Variants in AGO2 observed in about 807,000 individuals in gnomAD.
AGO2 encodes the protein argonaute RISC catalytic component 2.
Under a neutral mutation model 102.3 loss-of-function variants are expected in AGO2, and 5 were observed. The observed-to-expected ratio is 0.05, with a 90% confidence interval of 0.03 to 0.10. The LOEUF (loss-of-function observed/expected upper bound fraction) is 0.10, where lower values mean the gene tolerates loss of function less well. AGO2 is among the 10% of genes least tolerant of loss of function. The probability of loss-of-function intolerance (pLI) is 1.00; values close to 1 mark genes in which losing one functional copy is unlikely to be tolerated. For synonymous variants in AGO2, 449 were observed against 473.1 expected, an observed-to-expected ratio of 0.95 and a Z score of 0.66; for missense variants, 541 against 1,183.7, an observed-to-expected ratio of 0.46 and a Z score of 7.97.
chr8:140,574,010 T>G (rs1588470413), intron 2 of AGO2, among the ~76,000 whole-genome samples: 1 of 152,346 alleles, frequency 6.6e-6, no homozygotes, highest in East Asian at 1.9e-4. Flanking sequence ...GGATGCTTGC[T>G]GCTGGGAGAG....
chr8:140,536,326 AT>A (rs11327457), intron 16 of AGO2, among the ~76,000 whole-genome samples: 40,839 of 138,960 alleles, frequency 0.29, 6,732 homozygotes, highest in African/African-American at 0.5. Context: ...CTTCTTTGCA[AT>A]TTTTTTTTTT....
intron 1 of AGO2, among the ~76,000 whole-genome samples, chr8:140,609,359 C>T (rs1187877574): frequency 6.6e-6 from 1 of 152,206 alleles, no homozygotes; most frequent in Non-Finnish European, 1.5e-5. Context: ...GGGTGGCCTG[C>T]GGAGATCACA....
intron 1 of AGO2, among the ~76,000 whole-genome samples, chr8:140,626,293 G>C (rs1410351349): frequency 6.6e-6 from 1 of 152,240 alleles, no homozygotes; most frequent in Non-Finnish European, 1.5e-5. Context: ...GTGGACACCA[G>C]ACAGATGAGT....
intron 1 of AGO2, among the ~76,000 whole-genome samples, chr8:140,595,059 A>G (rs1219369398): frequency 6.6e-6 from 1 of 152,176 alleles, no homozygotes. Flanking sequence ...CTTGTTTCAG[A>G]AGGCTTTTAA....
At chr8:140,607,459 T>G (rs1427277484) in intron 1 of AGO2, among the ~76,000 whole-genome samples, 1 of 2,080 alleles carries the variant, frequency 4.8e-4, no homozygotes. Context: ...AAAGAAAAAT[T>G]ATATATATAT....
chr8:140,579,068 T>C (rs868097333), intron 2 of AGO2, among the ~76,000 whole-genome samples: 9 of 151,988 alleles, frequency 5.9e-5, no homozygotes, highest in Admixed American at 2.6e-4. Flanking sequence ...ACAACGTATT[T>C]AAAAATTAGT....
chr8:140,579,086 G>C (rs1179564747), intron 2 of AGO2, among the ~76,000 whole-genome samples: 1 of 152,088 alleles, frequency 6.6e-6, no homozygotes, highest in Non-Finnish European at 1.5e-5. Flanking sequence ...AGTGGAGTGT[G>C]GTGGTGCGCG....
At chr8:140,573,176 C>A (rs2073411766) in intron 2 of AGO2, among the ~76,000 whole-genome samples, 1 of 145,444 alleles carries the variant, frequency 6.9e-6, no homozygotes, top group South Asian at 2.2e-4. Flanking sequence ...CTAATTTTTT[C>A]TTTTTTTTTT....
In AGO2 at chr8:140,539,757, G is replaced by A. The variant is rs748190384; in HGVS notation, c.2035-303C>T. On this transcript the variant is annotated intron_variant, in intron 15 of 18. Coordinates refer to ENST00000220592, the MANE Select transcript of AGO2 (RefSeq NM_012154.5). This position sits in a 1 kb window ranked among gnomAD's most constrained non-coding sequence, Gnocchi z 4.7. The stretch of plus-strand genomic sequence containing the variant: ...GGATGCAGGCTGGGCTCTGCGCTGA[G>A]AAGGCACATGCAGAGGCCAAGCTCC... 2.6e-5 allele frequency among the ~76,000 whole-genome samples: 4 copies of A among 152,242 alleles called. No homozygotes were observed. The highest frequency in any genetic ancestry group is 4.4e-5 in the Non-Finnish European group (3 of 68,036).
intron 1 of AGO2, chr8:140,605,978 C>G (rs1306573582): frequency 6.6e-6 from 1 of 152,224 alleles, no homozygotes; most frequent in Non-Finnish European, 1.5e-5. Flanking sequence ...ATATTCCATG[C>G]CTTCGAGGCT....
chr8:140,538,742 T>A (rs1275871958), intron 16 of AGO2, among the ~76,000 whole-genome samples: 1 of 152,214 alleles, frequency 6.6e-6, no homozygotes, highest in African/African-American at 2.4e-5. Flanking sequence ...CCACCTCTTT[T>A]GGTAATCTAT....
At chr8:140,544,798 A>C (rs2072869206) in intron 13 of AGO2, among the ~76,000 whole-genome samples, 1 of 152,218 alleles carries the variant, frequency 6.6e-6, no homozygotes, top group Non-Finnish European at 1.5e-5. Flanking sequence ...ACATGTCTCC[A>C]GACATGACCA....
chr8:140,628,620 T>A (rs1190226663), intron 1 of AGO2, among the ~76,000 whole-genome samples: 1 of 148,768 alleles, frequency 6.7e-6, no homozygotes, highest in Non-Finnish European at 1.5e-5. Flanking sequence ...CTGGGCAACA[T>A]AGGGAGACCT....
Position 140,530,815 on chromosome 8 carries a change from GGA to G in AGO2, c.*1227_*1228del, listed in dbSNP as rs906800593. ...GAAGTCATCTGACAAAAGAGCACAC[GGA>G]GAGGAGTGAGTCCCCACACATCAAT... is the stretch of plus-strand genomic sequence containing the variant. On this transcript the variant is annotated 3_prime_UTR_variant, in exon 19 of 19. Coordinates refer to ENST00000220592, the MANE Select transcript of AGO2 (RefSeq NM_012154.5). 2.5e-4 allele frequency: 38 copies of G among 152,480 alleles called. No homozygotes were observed. The highest frequency in any genetic ancestry group is 8.4e-4 in the African/African-American group (35 of 41,588). 9.4% of individuals were successfully genotyped at this position (152,480 alleles called of 1,614,324 possible).
intron 14 of AGO2, 132 bp from the exon 15 acceptor site, chr8:140,541,490 A>G (rs929686219): frequency 4.8e-6 from 4 of 841,948 alleles, no homozygotes; most frequent in African/African-American, 3.4e-5. Flanking sequence ...TCAAGTGACA[A>G]TGGCTGGCTG....
chr8:140,604,484 A>G (rs1039783473), intron 1 of AGO2, among the ~76,000 whole-genome samples: 2 of 151,986 alleles, frequency 1.3e-5, no homozygotes, highest in African/African-American at 4.8e-5. Flanking sequence ...TGAGGTCAGG[A>G]GTTCAAGACC....
At chr8:140,606,521 T>C (rs1286022689) in intron 1 of AGO2, among the ~76,000 whole-genome samples, 1 of 152,136 alleles carries the variant, frequency 6.6e-6, no homozygotes, top group African/African-American at 2.4e-5. Flanking sequence ...CACTAAACAT[T>C]CTCCAAAAGT....
At chr8:140,577,206 T>TGAAAA (rs2073479429) in intron 2 of AGO2, among the ~76,000 whole-genome samples, 1 of 27,318 alleles carries the variant, frequency 3.7e-5, no homozygotes, top group Non-Finnish European at 7.3e-5. Context: ...AGACTCCATC[T>TGAAAA]CAAAAAAAAA....
intron 2 of AGO2, among the ~76,000 whole-genome samples, chr8:140,584,447 C>T (rs1251774625): frequency 6.6e-6 from 1 of 152,224 alleles, no homozygotes; most frequent in Non-Finnish European, 1.5e-5. Context: ...TGCAGCTAAA[C>T]ACACAGCTGC....
Sources: allele counts gnomAD v4.1 joint callset (sites outside exome capture counted in the v4.1 genomes callset), GRCh38; gene constraint gnomAD v4.1.1; non-coding constraint Gnocchi (gnomAD v3.1); transcripts MANE v1.5; gene names NCBI Gene and HGNC (gene_info 2026-07-23, HGNC 2026-07-21).